EGFR: variants seen among roughly 807,000 people sequenced by gnomAD.
The protein encoded by EGFR is epidermal growth factor receptor, also known as avian erythroblastic leukemia viral (v-erb-b) oncogene homolog.
EGFR carries 58 observed loss-of-function variants against 143.0 expected under a neutral mutation model. The ratio of observed to expected loss-of-function variants is 0.41; its 90% CI spans 0.33 to 0.50. EGFR has a LOEUF of 0.50. EGFR is among the 20% of genes least tolerant of loss of function. The pLI, the probability that EGFR is intolerant of heterozygous loss-of-function variation, is 0.39. For missense variants in EGFR, 1,307 were observed against 1,579.0 expected, an observed-to-expected ratio of 0.83 and a Z score of 2.92; for synonymous variants, 613 against 594.4, an observed-to-expected ratio of 1.03 and a Z score of -0.45.
rs568289767 is a variant in EGFR at position 55,120,061 on chromosome 7, C to T, written c.89-22225C>T. Among the ~76,000 whole-genome samples, 17 of 152,362 alleles carry T rather than the reference C, an allele frequency of 1.1e-4. No homozygotes were observed. In the South Asian group the frequency reaches 1.2e-3, roughly 11 times the overall value. ...TAGCCAGATACAAGTGAAAACCTTCCTGTTTTTTGCAAACCTGGATGGACC... is the reference window on the plus strand; with the variant it reads ...TAGCCAGATACAAGTGAAAACCTTCTTGTTTTTTGCAAACCTGGATGGACC... On this transcript the variant is annotated intron_variant, in intron 1 of 27. Transcript: ENST00000275493.
At position 55,160,356 on chromosome 7, in the gene EGFR, G is replaced by A. The variant is rs2128941811; in HGVS notation, c.1498+18G>A. The A allele has an allele frequency of 6.2e-7, 1 of 1,611,292 alleles. No homozygotes were observed. Among genetic ancestry groups the A allele is most frequent in the South Asian group, 1.1e-5 (1 of 90,976 alleles). Reference sequence around the variant, plus strand: ...CAGCTGCAGTAAGTCACCGCTTTCTGTTTAGTTTATGGAGTTGGTTCTAAT... The same window carrying A: ...CAGCTGCAGTAAGTCACCGCTTTCTATTTAGTTTATGGAGTTGGTTCTAAT... On this transcript the variant is annotated intron_variant, in intron 12 of 27. Coordinates refer to ENST00000275493, the MANE Select transcript of EGFR (RefSeq NM_005228.5).
intron 1 of EGFR, among the ~76,000 whole-genome samples, chr7:55,118,904 A>G (rs1467949907): frequency 2.9e-5 from 4 of 137,422 alleles, no homozygotes; most frequent in Non-Finnish European, 4.9e-5. Context: ...AAAAACTCAT[A>G]CTAGAAAGCT....
chr7:55,135,947 A>G (rs749262503), intron 1 of EGFR, among the ~76,000 whole-genome samples: 2 of 152,190 alleles, frequency 1.3e-5, no homozygotes, highest in Admixed American at 6.5e-5. Flanking sequence ...AAAGTAATAC[A>G]TGGTCACTAT....
intron 1 of EGFR, among the ~76,000 whole-genome samples, chr7:55,028,344 T>C (rs973454618): frequency 3.9e-5 from 6 of 152,168 alleles, no homozygotes; most frequent in African/African-American, 1.4e-4. Flanking sequence ...TGTTTTAGTG[T>C]CTCTGCTGAT....
chr7:55,142,255 A>G, intron 1 of EGFR, 31 bp from the exon 2 acceptor site: 1 of 1,613,972 alleles, frequency 6.2e-7, no homozygotes, highest in South Asian at 1.1e-5. Context: ...ATTTCTCAGT[A>G]TTTCATGTGA....
intron 1 of EGFR, among the ~76,000 whole-genome samples, chr7:55,038,050 G>T (rs1404052830): frequency 1.3e-5 from 2 of 152,140 alleles, no homozygotes; most frequent in African/African-American, 4.8e-5. Context: ...AAACACTTAC[G>T]ACTGCAGATA....
intron 1 of EGFR, among the ~76,000 whole-genome samples, chr7:55,131,966 C>T (rs2128920616): frequency 6.7e-6 from 1 of 149,952 alleles, no homozygotes; most frequent in East Asian, 1.9e-4. Context: ...AAGAAGCACA[C>T]TGGTGCACTG....
At chr7:55,090,080 T>C (rs1264884700) in intron 1 of EGFR, among the ~76,000 whole-genome samples, 1 of 152,116 alleles carries the variant, frequency 6.6e-6, no homozygotes, top group Non-Finnish European at 1.5e-5. Flanking sequence ...GTGATTCTCC[T>C]GCCTCAGCCT....
At position 55,209,745 on chromosome 7, in the gene EGFR, T is replaced by C. The variant is rs1295597253; in HGVS notation, c.*4128T>C. On this transcript the variant is annotated 3_prime_UTR_variant, in exon 28 of 28. Coordinates refer to ENST00000275493, the MANE Select transcript of EGFR (RefSeq NM_005228.5). ...CAGGATTTTTAAATGTAAATCTATT[T>C]TTGTAACTTTGTTGCGGGATATAGT... 2.0e-5 allele frequency: 3 copies of C among 152,272 alleles called. No individual in the cohort carries two copies. The highest frequency in any genetic ancestry group is 4.4e-5 in the Non-Finnish European group (3 of 68,046). The allele number at this position is 152,272 out of a possible 1,614,324, so 9.4% of individuals were successfully genotyped here.
chr7:55,155,982 C>G (rs201790920), intron 8 of EGFR, 36 bp downstream of exon 8: 1 of 1,522,640 alleles, frequency 6.6e-7, no homozygotes, highest in Non-Finnish European at 9.1e-7. Context: ...GAGGCTTGTT[C>G]TCGGCTGCTG....
Position 55,208,317 on chromosome 7 carries a change from A to G in EGFR, c.*2700A>G, listed in dbSNP as rs940811. 0.91 allele frequency: 138,010 copies of G among 152,164 alleles called. 62,766 individuals are homozygous for G. Among genetic ancestry groups the G allele is most frequent in the African/African-American group, 0.97 (40,401 of 41,498 alleles). 9.4% of individuals were successfully genotyped at this position (152,164 alleles called of 1,614,324 possible). A position where few individuals can be genotyped will look rare whatever the true frequency, so the allele number is the denominator to read the frequency against. ...TGATTTTCACCTAACAGCCCTGATC[A>G]GTCAGTACTCAAAGCTTGGACTCCA... On this transcript the variant is annotated 3_prime_UTR_variant, in exon 28 of 28. Coordinates refer to ENST00000275493, the MANE Select transcript of EGFR (RefSeq NM_005228.5).
intron 1 of EGFR, among the ~76,000 whole-genome samples, chr7:55,033,799 C>T (rs1787404146): frequency 6.6e-6 from 1 of 152,208 alleles, no homozygotes; most frequent in African/African-American, 2.4e-5. Flanking sequence ...TCCCACCAAC[C>T]CTCACTTTGC....
At chr7:55,145,226 A>G (rs1180425765) in intron 3 of EGFR, among the ~76,000 whole-genome samples, 1 of 151,960 alleles carries the variant, frequency 6.6e-6, no homozygotes, top group Non-Finnish European at 1.5e-5. Context: ...GCTCTCTCTC[A>G]GGTCTTTGGT....
At chr7:55,032,446 T>C (rs1322345813) in intron 1 of EGFR, among the ~76,000 whole-genome samples, 1 of 152,208 alleles carries the variant, frequency 6.6e-6, no homozygotes, top group African/African-American at 2.4e-5. Flanking sequence ...TCACTCTCTA[T>C]GTAGAACGGC....
intron 11 of EGFR, among the ~76,000 whole-genome samples, chr7:55,159,777 G>A (rs1785605843): frequency 1.3e-5 from 2 of 152,200 alleles, no homozygotes; most frequent in Admixed American, 1.3e-4. Context: ...TTGGGTGGTG[G>A]ATAGATGGAT....
intron 1 of EGFR, among the ~76,000 whole-genome samples, chr7:55,123,067 G>GA (rs1357624126): frequency 1.3e-5 from 2 of 152,186 alleles, no homozygotes; most frequent in Admixed American, 6.5e-5. Flanking sequence ...TTTGTAGTAA[G>GA]AAAAAATCAA....
chr7:55,108,203 T>C (rs563669021), intron 1 of EGFR, among the ~76,000 whole-genome samples: 1 of 152,368 alleles, frequency 6.6e-6, no homozygotes, highest in East Asian at 1.9e-4. Context: ...TGATAAGAAA[T>C]GGCCATAGGC....
chr7:55,101,341 C>T (rs376330917), intron 1 of EGFR, among the ~76,000 whole-genome samples: 1 of 152,264 alleles, frequency 6.6e-6, no homozygotes, highest in South Asian at 2.1e-4. Context: ...GGTACAGACA[C>T]AGTTCTGCTC....
At chr7:55,048,128 G>T (rs1477920371) in intron 1 of EGFR, among the ~76,000 whole-genome samples, 1 of 152,080 alleles carries the variant, frequency 6.6e-6, no homozygotes, top group Non-Finnish European at 1.5e-5. Context: ...GGATGTGCTT[G>T]TTTTTTGCTA....
Sources: gnomAD v4.1 joint callset for allele counts (sites outside exome capture counted in the v4.1 genomes callset) on GRCh38, gnomAD v4.1.1 for gene constraint, MANE v1.5 for transcripts, NCBI Gene and HGNC (gene_info 2026-07-23, HGNC 2026-07-21) for gene names.